Variants in SF3A1 observed in about 807,000 individuals in gnomAD.
SF3A1 encodes the protein SAP 114.
In SF3A1, 13 loss-of-function variants were observed where a neutral mutation model predicts 89.9. The observed-to-expected ratio is 0.14, with a 90% confidence interval of 0.09 to 0.23. The LOEUF is 0.23. SF3A1 is among the 10% of genes least tolerant of loss of function. The probability of loss-of-function intolerance (pLI) is 1.00; values close to 1 mark genes in which losing one functional copy is unlikely to be tolerated. For synonymous variants in SF3A1, 405 were observed against 374.4 expected (o/e 1.08, Z -0.94); for missense variants, 604 against 1,022.1 (o/e 0.59, Z 5.58).
chr22:30,347,168 G>A (rs1177731033), intron 2 of SF3A1, among the ~76,000 whole-genome samples: 1 of 152,166 alleles, frequency 6.6e-6, no homozygotes, highest in Non-Finnish European at 1.5e-5. Context: ...ATGGTGGTGT[G>A]TGCCTCTAGT....
At position 30,353,820 on chromosome 22, in the gene SF3A1, C is replaced by T. The variant is rs146870215; in HGVS notation, c.64-748G>A. On this transcript the variant is annotated intron_variant, in intron 1 of 15. Transcript: ENST00000215793. ...TGTCTGAGGAGTTTTGTCTGCGACT[C>T]GTCCTGCTACATTACCAAATGCCCA... 4.6e-5 allele frequency among the ~76,000 whole-genome samples: 7 copies of T among 152,272 alleles called. No homozygotes were observed. In the East Asian group the frequency reaches 1.3e-3, roughly 29 times the overall value.
chr22:30,336,216 A>G (rs775143467), intron 13 of SF3A1, among the ~76,000 whole-genome samples: 2 of 152,142 alleles, frequency 1.3e-5, no homozygotes, highest in Non-Finnish European at 2.9e-5. Flanking sequence ...AGAAATGGGA[A>G]CTATTATTAA....
rs1171959425 is a variant in SF3A1, at chr22:30,332,403, CT to C, written c.*2190del. 1 of 152,224 alleles carries C rather than the reference CT, an allele frequency of 6.6e-6. No homozygotes were observed. Among genetic ancestry groups the C allele is most frequent in the African/African-American group, 2.4e-5 (1 of 41,458 alleles). 9.4% of individuals were successfully genotyped at this position (152,224 alleles called of 1,614,324 possible). On this transcript the variant is annotated 3_prime_UTR_variant, in exon 16 of 16. Transcript: ENST00000215793. ...TCCCAGCAGTCCTGCAACAGGAGCA[CT>C]TATTCCTATTTCATAGTGTGGTCTG...
At position 30,341,779 on chromosome 22, in the gene SF3A1, C is replaced by G. The variant is rs1439255699; in HGVS notation, c.984G>C (p.Glu328Asp). 3.1e-6 allele frequency: 5 copies of G among 1,614,080 alleles called. No individual in the cohort carries two copies. Among genetic ancestry groups the G allele is most frequent in the Non-Finnish European group, 4.2e-6 (5 of 1,180,044 alleles). ...CCTGTTTGTCATCCTCCTCATCAGA[C>G]TCGACCTCCATCTCAACTTCCTCAC... ...GESEEVEMEV[E>D]SDEEDDKQEK... The change falls in exon 7 of 16, where the codon GAG becomes GAC. Residue 328 changes from glutamate (E) to aspartate (D), a missense_variant. Around this residue, in one of 9 missense-constraint regions of SF3A1, gnomAD observed 146 missense variants for 228.5 expected, o/e 0.64. Transcript: ENST00000215793.
intron 1 of SF3A1, among the ~76,000 whole-genome samples, chr22:30,353,751 G>C (rs575718310): frequency 2.6e-5 from 4 of 152,086 alleles, no homozygotes; most frequent in African/African-American, 9.7e-5. Flanking sequence ...CGAGTCTGCC[G>C]ACGCTCCCGG....
chr22:30,352,693 A>G, intron 2 of SF3A1: 1 of 347,276 alleles, frequency 2.9e-6, no homozygotes, highest in Non-Finnish European at 5.4e-6. Flanking sequence ...GCAGCTTTCC[A>G]GGCATTTCCT....
At chr22:30,336,429 G>A (rs1055240781) in intron 13 of SF3A1, among the ~76,000 whole-genome samples, 17 of 152,304 alleles carry the variant, frequency 1.1e-4, no homozygotes, top group African/African-American at 3.4e-4. Flanking sequence ...GGAGGTTGAG[G>A]CATAACAATC....
chr22:30,341,564 G>A (rs1184291132), intron 7 of SF3A1, 128 bp downstream of exon 7: 1 of 476,276 alleles, frequency 2.1e-6, no homozygotes, highest in Non-Finnish European at 3.8e-6. Context: ...GCAGCTGTAT[G>A]GCCTTGTTCA....
intron 12 of SF3A1, 86 bp from the exon 13 acceptor site, chr22:30,337,266 C>T (rs751932523): frequency 2.2e-5 from 28 of 1,286,276 alleles, no homozygotes; most frequent in Non-Finnish European, 3.0e-5. Context: ...GGGAAGGTTG[C>T]AAAGGTTTCC....
At chr22:30,353,137 A>C (rs1931653037) in intron 1 of SF3A1, 65 bp from the exon 2 acceptor site, 2 of 1,581,356 alleles carry the variant, frequency 1.3e-6, no homozygotes, top group South Asian at 1.1e-5. Context: ...CTCCACTGTA[A>C]AACTCCTCTA....
chr22:30,342,398 T>A (rs1258941544), intron 5 of SF3A1, 48 bp from the exon 6 acceptor site: 1 of 1,551,170 alleles, frequency 6.4e-7, no homozygotes, highest in African/African-American at 1.4e-5. Flanking sequence ...CAGGGTCTGC[T>A]CCTGATGAGG....
At position 30,356,769 on chromosome 22, in the gene SF3A1, C is replaced by T. The variant is rs1931887175; in HGVS notation, c.24G>A (p.Ala8=). The T allele has an allele frequency of 1.4e-6, 2 of 1,470,038 alleles. No individual in the cohort carries two copies. Among genetic ancestry groups the T allele is most frequent in the African/African-American group, 1.5e-5 (1 of 68,926 alleles). 91.1% of individuals were successfully genotyped at this position (1,470,038 alleles called of 1,614,324 possible). A position where few individuals can be genotyped will look rare whatever the true frequency, so the allele number is the denominator to read the frequency against. ...TGGGCACGGGCGGCGGCGGGGGCACCGCCTGCACGGGTCCGGCCGGCATGA... is the reference window on the plus strand; with the variant it reads ...TGGGCACGGGCGGCGGCGGGGGCACTGCCTGCACGGGTCCGGCCGGCATGA... MPAGPVQ[A]VPPPPPVPTE... is the part of the protein sequence containing the mutation. Residue 8 remains alanine (A), a synonymous_variant, in exon 1 of 16, where the codon GCG becomes GCA. Transcript: ENST00000215793.
At chr22:30,338,429 G>A (rs147044423) in intron 11 of SF3A1, among the ~76,000 whole-genome samples, 2 of 146,950 alleles carry the variant, frequency 1.4e-5, no homozygotes, top group East Asian at 2.0e-4. Flanking sequence ...TTGCACTCCA[G>A]CCTGGGCGAC....
At chr22:30,343,183 A>T (rs1386259456) in intron 4 of SF3A1, among the ~76,000 whole-genome samples, 1 of 152,212 alleles carries the variant, frequency 6.6e-6, no homozygotes, top group African/African-American at 2.4e-5. Flanking sequence ...TCAGTATGAG[A>T]CGGCTGCTTT....
chr22:30,348,615 G>C (rs1931491696), intron 2 of SF3A1, among the ~76,000 whole-genome samples: 1 of 152,162 alleles, frequency 6.6e-6, no homozygotes, highest in Non-Finnish European at 1.5e-5. Flanking sequence ...TCCTCAGCAA[G>C]TCGTGGTCAT....
At chr22:30,344,097 T>G (rs981070818) in intron 4 of SF3A1, among the ~76,000 whole-genome samples, 4 of 152,216 alleles carry the variant, frequency 2.6e-5, no homozygotes, top group African/African-American at 9.6e-5. Context: ...AACTGACTTG[T>G]CCTGATTCTT....
chr22:30,338,564 C>G (rs1052880853), intron 11 of SF3A1, among the ~76,000 whole-genome samples: 1 of 152,068 alleles, frequency 6.6e-6, no homozygotes, highest in African/African-American at 2.4e-5. Context: ...CTGACGCCAA[C>G]TGGTTTCTCA....
In SF3A1 at chr22:30,340,315, T is replaced by G; in HGVS notation, c.1256A>C (p.Lys419Thr). Residue 419 changes from lysine to threonine, a missense_variant, in exon 9 of 16, where the codon AAG becomes ACG. Around this residue, in one of 9 missense-constraint regions of SF3A1, gnomAD observed 146 missense variants for 228.5 expected, o/e 0.64. Coordinates refer to ENST00000215793, the MANE Select transcript of SF3A1 (RefSeq NM_005877.6). ...EYLVSPITGE[K>T]IPASKMQEHM... ...TTCCTGCATTTTGCTGGCGGGGATC[T>G]TCTCCCCAGTAATGGGGGACACAAG... 6.2e-7 allele frequency: 1 copy of G among 1,612,840 alleles called. No individual in the cohort carries two copies.
chr22:30,332,905 A>G lies in SF3A1; in HGVS notation c.*1689T>C, dbSNP rs955321348. 2.0e-5 allele frequency: 3 copies of G among 152,388 alleles called. No homozygotes were observed. Among genetic ancestry groups the G allele is most frequent in the Non-Finnish European group, 2.9e-5 (2 of 68,066 alleles). The allele number at this position is 152,388 out of a possible 1,614,324, so 9.4% of individuals were successfully genotyped here. On this transcript the variant is annotated 3_prime_UTR_variant, in exon 16 of 16. Coordinates refer to ENST00000215793, the MANE Select transcript of SF3A1 (RefSeq NM_005877.6). Reference sequence around the variant, plus strand: ...GGGGGTGAGTGCCCTAACACCATGAACTGCCCACTGCTCCCAGAAAGAAAG... The same window carrying G: ...GGGGGTGAGTGCCCTAACACCATGAGCTGCCCACTGCTCCCAGAAAGAAAG...
Sources: gnomAD v4.1 joint callset for allele counts (sites outside exome capture counted in the v4.1 genomes callset) on GRCh38, gnomAD v4.1.1 for gene constraint, gnomAD v4.1.1 regional missense constraint, MANE v1.5 for transcripts, NCBI Gene and HGNC (gene_info 2026-07-23, HGNC 2026-07-21) for gene names.